SIK3: variants seen among roughly 807,000 people sequenced by gnomAD.
The protein encoded by SIK3 is SIK family kinase 3, also known as serine/threonine-protein kinase SIK3.
SIK3 carries 28 observed loss-of-function variants against 144.2 expected under a neutral mutation model. That is an observed-to-expected ratio of 0.19 (90% CI 0.14 to 0.27). The LOEUF is 0.27. Among genes scored for constraint, SIK3 ranks in the 10% least tolerant of loss-of-function variants. SIK3 has a pLI of 1.00. For missense variants in SIK3, 1,319 were observed against 1,776.0 expected (o/e 0.74, Z 4.62); for synonymous variants, 686 against 676.3 (o/e 1.01, Z -0.22).
intron 4 of SIK3, among the ~76,000 whole-genome samples, chr11:116,923,587 G>A (rs1023634916): frequency 2.0e-5 from 3 of 152,332 alleles, no homozygotes; most frequent in East Asian, 3.9e-4. Flanking sequence ...ACTGAGTAAC[G>A]ATGGCATATA....
intron 1 of SIK3, among the ~76,000 whole-genome samples, chr11:116,994,751 G>A (rs1229181380): frequency 6.6e-6 from 1 of 152,140 alleles, no homozygotes; most frequent in Non-Finnish European, 1.5e-5. Context: ...TAAAACATAC[G>A]GGTTCAGCTT....
chr11:116,975,758 T>A (rs1949927998), intron 1 of SIK3, among the ~76,000 whole-genome samples: 1 of 152,202 alleles, frequency 6.6e-6, no homozygotes, highest in Non-Finnish European at 1.5e-5. Context: ...TAATTCCACT[T>A]TTAACATTTT....
intron 1 of SIK3, among the ~76,000 whole-genome samples, chr11:117,060,187 A>G (rs1457901021): frequency 6.6e-6 from 1 of 152,254 alleles, no homozygotes; most frequent in Non-Finnish European, 1.5e-5. Flanking sequence ...CTATCAAACC[A>G]TGAAAAAACT....
intron 3 of SIK3, among the ~76,000 whole-genome samples, chr11:116,949,377 C>T (rs145527975): frequency 1.1e-4 from 17 of 152,294 alleles, no homozygotes; most frequent in Admixed American, 2.6e-4. Flanking sequence ...CATACTCAGC[C>T]GTTAAACTCC....
chr11:116,989,364 T>C (rs1475658107), intron 1 of SIK3, among the ~76,000 whole-genome samples: 1 of 152,214 alleles, frequency 6.6e-6, no homozygotes, highest in Admixed American at 6.5e-5. Context: ...TAGCTCACCA[T>C]ACACTTATTT....
At chr11:117,017,612 A>G (rs937641085) in intron 1 of SIK3, among the ~76,000 whole-genome samples, 1 of 152,222 alleles carries the variant, frequency 6.6e-6, no homozygotes, top group Non-Finnish European at 1.5e-5. Flanking sequence ...GAAGTCACAC[A>G]TGAAGTAAAA....
At chr11:116,921,629 A>G (rs965173326) in intron 4 of SIK3, among the ~76,000 whole-genome samples, 2 of 152,144 alleles carry the variant, frequency 1.3e-5, no homozygotes, top group African/African-American at 4.8e-5. Context: ...TCGGCTTCAC[A>G]AAGTGCTGAG....
chr11:116,965,733 A>AT (rs1949505285), intron 1 of SIK3, among the ~76,000 whole-genome samples: 7 of 101,046 alleles, frequency 6.9e-5, no homozygotes, highest in African/African-American at 2.3e-4. Context: ...GTCTCTGCTA[A>AT]AATATATATA....
Position 116,982,967 on chromosome 11 carries a change from AAAT to A in SIK3, c.274-25906_274-25904del, listed in dbSNP as rs1448563022. Among the ~76,000 whole-genome samples, 9 of 143,004 alleles carry A rather than the reference AAAT, an allele frequency of 6.3e-5. 1 individual carries two copies. Among genetic ancestry groups the A allele is most frequent in the African/African-American group, 1.9e-4 (7 of 37,374 alleles). 93.8% of individuals were successfully genotyped at this position (143,004 alleles called of 152,430 possible). ...TCAAAAAAAAAAAAAAAAAAAAAAA[AAAT>A]TTCTGACCCGAGGGGATTTCTCTGA... On this transcript the variant is annotated intron_variant, in intron 1 of 24. Transcript: ENST00000445177.
chr11:117,061,326 CTGT>C (rs1285352288), intron 1 of SIK3, among the ~76,000 whole-genome samples: 1 of 152,004 alleles, frequency 6.6e-6, no homozygotes, highest in Non-Finnish European at 1.5e-5. Context: ...AAGATAATGT[CTGT>C]TGTGTGTGTG....
At chr11:117,028,585 T>C (rs1356422291) in intron 1 of SIK3, among the ~76,000 whole-genome samples, 1 of 151,762 alleles carries the variant, frequency 6.6e-6, no homozygotes, top group Non-Finnish European at 1.5e-5. Context: ...ACCTGAATCT[T>C]AGGATGTGAA....
chr11:116,997,589 GA>G (rs1343082130), intron 1 of SIK3, among the ~76,000 whole-genome samples: 2 of 152,138 alleles, frequency 1.3e-5, no homozygotes, highest in African/African-American at 4.8e-5. Flanking sequence ...CTTTGATTCA[GA>G]AAAAGTTTAT....
At chr11:117,054,503 T>C (rs1367185235) in intron 1 of SIK3, among the ~76,000 whole-genome samples, 1 of 152,152 alleles carries the variant, frequency 6.6e-6, no homozygotes, top group East Asian at 1.9e-4. Flanking sequence ...ATCTACCTAC[T>C]ATAAAGATAA....
chr11:116,906,193 G>GA lies in SIK3; in HGVS notation c.617-8877dup, dbSNP rs544539295. ...TGTGATCAGATGAGATATTGAAAAT[G>GA]AAAAAAACAATTCAAAAGATGTTCT... On this transcript the variant is annotated intron_variant, in intron 4 of 24. Transcript: ENST00000445177. 3.3e-5 allele frequency among the ~76,000 whole-genome samples: 5 copies of GA among 152,056 alleles called. No individual in the cohort carries two copies. The South Asian group carries it at 1.0e-3, about 32-fold the overall frequency.
intron 4 of SIK3, among the ~76,000 whole-genome samples, chr11:116,914,197 C>G (rs988669705): frequency 6.7e-6 from 1 of 148,988 alleles, no homozygotes; most frequent in South Asian, 2.1e-4. Flanking sequence ...TAAAGTACTC[C>G]CCTTCTCAAT....
chr11:116,862,468 C>T (rs1380825748), intron 16 of SIK3, 141 bp from the exon 17 acceptor site: 2 of 1,001,456 alleles, frequency 2.0e-6, no homozygotes, highest in Non-Finnish European at 3.0e-6. Context: ...GCAATTAACT[C>T]ATTTACCTAA....
At chr11:117,085,787 C>A (rs1954977705) in intron 1 of SIK3, among the ~76,000 whole-genome samples, 1 of 152,168 alleles carries the variant, frequency 6.6e-6, no homozygotes, top group South Asian at 2.1e-4. Flanking sequence ...GAATTCGAGA[C>A]CATCCTGGCC....
chr11:116,919,814 AT>A (rs1038737135), intron 4 of SIK3, among the ~76,000 whole-genome samples: 3 of 152,158 alleles, frequency 2.0e-5, no homozygotes, highest in Non-Finnish European at 4.4e-5. Flanking sequence ...ATCTTTCAAA[AT>A]TCCCTCTTCC....
intron 1 of SIK3, among the ~76,000 whole-genome samples, chr11:117,086,429 C>T (rs1203250569): frequency 1.3e-5 from 2 of 152,220 alleles, no homozygotes; most frequent in African/African-American, 4.8e-5. Flanking sequence ...CAGTGGCTCA[C>T]GCCTATAATC....
Sources: gnomAD v4.1 joint callset for allele counts (sites outside exome capture counted in the v4.1 genomes callset) on GRCh38, gnomAD v4.1.1 for gene constraint, MANE v1.5 for transcripts, NCBI Gene and HGNC (gene_info 2026-07-23, HGNC 2026-07-21) for gene names.